CARD10: variants seen among roughly 807,000 people sequenced by gnomAD.
CARD10 encodes caspase recruitment domain family member 10.
In CARD10, 49 loss-of-function variants were observed where a neutral mutation model predicts 114.6. The ratio of observed to expected loss-of-function variants is 0.43; its 90% CI spans 0.34 to 0.54. The LOEUF is 0.54. Among genes scored for constraint, CARD10 ranks in the 20% least tolerant of loss-of-function variants. The pLI is 0.03. For synonymous variants in CARD10, 602 were observed against 593.2 expected, an observed-to-expected ratio of 1.01 and a Z score of -0.21; for missense variants, 1,206 against 1,397.2, an observed-to-expected ratio of 0.86 and a Z score of 2.18.
chr22:37,491,747 CA>C lies in CARD10; in HGVS notation c.2864+7del. The C allele has an allele frequency of 1.7e-6, 2 of 1,144,936 alleles. No homozygotes were observed. The highest frequency in any genetic ancestry group is 1.2e-5 in the South Asian group (1 of 81,966). The allele number at this position is 1,144,936 out of a possible 1,614,324, so 70.9% of individuals were successfully genotyped here. On this transcript the variant is annotated splice_region_variant and intron_variant, in intron 19 of 19. Transcript: ENST00000251973. ...TGCCCTGCCCACTGCCCCACCCACCCACCTCACCTGACTTCCCGGACATTCT... is the reference window on the plus strand; with the variant it reads ...TGCCCTGCCCACTGCCCCACCCACCCCCTCACCTGACTTCCCGGACATTCT...
intron 3 of CARD10, among the ~76,000 whole-genome samples, chr22:37,512,928 T>A (rs1923712239): frequency 2.0e-5 from 3 of 152,126 alleles, no homozygotes; most frequent in Admixed American, 2.0e-4. Flanking sequence ...AACAGGGTAT[T>A]AAATCCCAGC....
intron 3 of CARD10, among the ~76,000 whole-genome samples, chr22:37,512,922 G>C (rs73416258): frequency 0.028 from 4,219 of 152,202 alleles, 177 homozygotes; most frequent in African/African-American, 0.097. Flanking sequence ...TTATAAAACA[G>C]GGTATTAAAT....
In CARD10 at chr22:37,519,188, C is replaced by T. The variant is rs1477972138; in HGVS notation, c.13G>A (p.Ala5Thr). The T allele has an allele frequency of 2.6e-6, 4 of 1,530,722 alleles. No homozygotes were observed. Among genetic ancestry groups the T allele is most frequent in the Non-Finnish European group, 3.5e-6 (4 of 1,144,302 alleles). 94.8% of individuals were successfully genotyped at this position (1,530,722 alleles called of 1,614,324 possible). ...TCCTCCTCGGCCTCCCCCGCCTCCGCCCGGCCCGGCATGGCCGTGTCCTCA... is the reference window on the plus strand; with the variant it reads ...TCCTCCTCGGCCTCCCCCGCCTCCGTCCGGCCCGGCATGGCCGTGTCCTCA... The part of the protein sequence containing the change: MPGR[A>T]EAGEAEEEAG... Residue 5 changes from alanine (A) to threonine (T), a missense_variant, in exon 1 of 20, where the codon GCG becomes ACG. By Grantham distance (58) the Ala-to-Thr change is moderately conservative. Around this residue, in one of 2 missense-constraint regions of CARD10, gnomAD observed 138 missense variants for 218.0 expected, o/e 0.63. Transcript: ENST00000251973. The surrounding 1 kb of genome is among the most constrained non-coding windows in gnomAD (Gnocchi z 4.1).
At position 37,518,870 on chromosome 22, in the gene CARD10, G is replaced by A. The variant is rs1009040427; in HGVS notation, c.235+96C>T. 5 of 1,379,916 alleles carry A rather than the reference G, an allele frequency of 3.6e-6. No homozygotes were observed. The African/African-American group carries it at 7.5e-5, about 21-fold the overall frequency. The allele number at this position is 1,379,916 out of a possible 1,614,324, so 85.5% of individuals were successfully genotyped here. On this transcript the variant is annotated intron_variant, in intron 1 of 19. Transcript: ENST00000251973. ...ACTGATGCGGAGACCGAGCCCCAGG[G>A]CAGCAGAGCCCTAGCTTCGCGCTAC... is the stretch of plus-strand genomic sequence containing the variant.
chr22:37,518,282 G>A (rs1217209127), intron 1 of CARD10, among the ~76,000 whole-genome samples, 174 bp from the exon 2 acceptor site: 1 of 152,152 alleles, frequency 6.6e-6, no homozygotes, highest in East Asian at 1.9e-4. Context: ...TTCTGCCACA[G>A]CCAGGGGAGC....
intron 2 of CARD10, among the ~76,000 whole-genome samples, chr22:37,516,662 A>T (rs889073866): frequency 6.6e-6 from 1 of 152,242 alleles, no homozygotes; most frequent in East Asian, 1.9e-4. Flanking sequence ...AACTATCAAT[A>T]GGCAAGTCCC....
At chr22:37,497,291 C>G in intron 11 of CARD10, 113 bp from the exon 12 acceptor site, 1 of 1,057,130 alleles carries the variant, frequency 9.5e-7, no homozygotes, top group South Asian at 1.6e-5. Flanking sequence ...TGACTCCCAC[C>G]CCCAGGCCTC....
At chr22:37,514,774 A>C (rs1046098612) in intron 3 of CARD10, 40 of 152,308 alleles carry the variant, frequency 2.6e-4, no homozygotes, top group African/African-American at 8.7e-4. Context: ...GGCTGGAGAG[A>C]GCCTCCTGCG....
chr22:37,518,222 T>A, intron 1 of CARD10, 114 bp from the exon 2 acceptor site: 1 of 1,014,814 alleles, frequency 9.9e-7, no homozygotes, highest in Non-Finnish European at 1.5e-6. Context: ...TTTGAGCCAG[T>A]GACACACACA....
In CARD10 at chr22:37,494,149, G is replaced by A. The variant is rs1922907025; in HGVS notation, c.2413C>T (p.Pro805Ser). Residue 805 changes from proline to serine, a missense_variant, in exon 16 of 20, where the codon CCC becomes TCC. Coordinates refer to ENST00000251973, the MANE Select transcript of CARD10 (RefSeq NM_014550.4). ...RALDQLRLVRPKPVGAPAGDS... is the reference protein window; with the variant it reads ...RALDQLRLVRSKPVGAPAGDS... ...CCTGCAGGCGCCCCCACGGGCTTGG[G>A]CCTCACCAGCCGCAGCTGGTCCAGG... 6.4e-7 allele frequency: 1 copy of A among 1,557,456 alleles called. No homozygotes were observed. Among genetic ancestry groups the A allele is most frequent in the Non-Finnish European group, 8.7e-7 (1 of 1,150,944 alleles).
chr22:37,494,096 C>A lies in CARD10; in HGVS notation c.2466G>T (p.Glu822Asp). The change falls in exon 16 of 20, where the codon GAG becomes GAT. Residue 822 changes from glutamate to aspartate, a missense_variant. By Grantham distance (45) the Glu-to-Asp change is conservative. Transcript: ENST00000251973. Reference protein sequence around the residue: ...AGDSPDQLLLEPCAEPERSLR... With the variant: ...AGDSPDQLLLDPCAEPERSLR... ...CCCCCGCGCACTCACCTGCACAGGGCTCCAGCAGCAGCTGATCCGGGGAGT... is the reference window on the plus strand; with the variant it reads ...CCCCCGCGCACTCACCTGCACAGGGATCCAGCAGCAGCTGATCCGGGGAGT... 1 of 1,555,438 alleles carries A rather than the reference C, an allele frequency of 6.4e-7. No individual in the cohort carries two copies. The highest frequency in any genetic ancestry group is 1.4e-5 in the African/African-American group (1 of 73,402).
At chr22:37,505,262 A>C (rs1432724240) in intron 7 of CARD10, among the ~76,000 whole-genome samples, 1 of 152,072 alleles carries the variant, frequency 6.6e-6, no homozygotes, top group Non-Finnish European at 1.5e-5. Context: ...ACAGCAAAAA[A>C]GCCACTGGGG....
intron 10 of CARD10, among the ~76,000 whole-genome samples, 193 bp downstream of exon 10, chr22:37,502,992 G>A (rs1217915281): frequency 1.3e-5 from 2 of 152,248 alleles, no homozygotes. Flanking sequence ...GACTGGGCTC[G>A]GGGTGAGAGG....
In CARD10 at chr22:37,502,730, G is replaced by A; in HGVS notation, c.1664-5C>T. ...AGGGCTTAAGTGTCACACTCCCTGG[G>A]GAAAAAGAATGAGGTTCAGGGATCT... On this transcript the variant is annotated splice_polypyrimidine_tract_variant and splice_region_variant and intron_variant, in intron 10 of 19. Coordinates refer to ENST00000251973, the MANE Select transcript of CARD10 (RefSeq NM_014550.4). 6.2e-7 allele frequency: 1 copy of A among 1,612,226 alleles called. No homozygotes were observed. Among genetic ancestry groups the A allele is most frequent in the Non-Finnish European group, 8.5e-7 (1 of 1,179,274 alleles).
rs868214058 is a variant in CARD10 at position 37,491,171 on chromosome 22, G to A, written c.3087C>T (p.Ser1029=). ...ECGSSRGCPS[S]SEA ...TATCAGATGAGCCTCAGGCCTCACT[G>A]CTGCTGGGGCAGCCTCTGCTGCTGC... is the stretch of plus-strand genomic sequence containing the variant. Residue 1029 remains serine (S), a synonymous_variant, in exon 20 of 20, where the codon AGC becomes AGT. Transcript: ENST00000251973. 3.2e-6 allele frequency: 5 copies of A among 1,561,574 alleles called. No homozygotes were observed. The highest frequency in any genetic ancestry group is 1.7e-4 in the Middle Eastern group (1 of 6,000).
chr22:37,508,070 A>C, intron 5 of CARD10, 116 bp from the exon 6 acceptor site: 1 of 1,257,506 alleles, frequency 8.0e-7, no homozygotes, highest in Non-Finnish European at 1.1e-6. Context: ...AGACCCAATA[A>C]CAAGTCCCCT....
chr22:37,491,291 C>T lies in CARD10; in HGVS notation c.2967G>A (p.Val989=). The T allele has an allele frequency of 6.4e-7, 1 of 1,568,460 alleles. No individual in the cohort carries two copies. Among genetic ancestry groups the T allele is most frequent in the Non-Finnish European group, 8.6e-7 (1 of 1,163,166 alleles). The part of the protein sequence containing the change: ...LWGLPCSWVQ[V]PAHEWGHAEE... ...CTGCGTGTCCCCACTCATGGGCGGG[C>T]ACCTGCACCCAGGAGCAGGGCAGCC... Residue 989 remains valine (V), a synonymous_variant, in exon 20 of 20, where the codon GTG becomes GTA. Coordinates refer to ENST00000251973, the MANE Select transcript of CARD10 (RefSeq NM_014550.4).
chr22:37,512,465 C>CACACACACACA (rs1923690678), intron 3 of CARD10, among the ~76,000 whole-genome samples: 1 of 113,774 alleles, frequency 8.8e-6, no homozygotes, highest in South Asian at 3.3e-4. Flanking sequence ...AGCCCCCCCT[C>CACACACACACA]CACACACACA....
intron 4 of CARD10, chr22:37,509,046 C>T (rs1034764974): frequency 1.3e-6 from 2 of 1,549,890 alleles, no homozygotes; most frequent in Admixed American, 2.0e-5. Context: ...CCAAGACCTA[C>T]TCCCACCCCC....
Sources: allele counts gnomAD v4.1 joint callset (sites outside exome capture counted in the v4.1 genomes callset), GRCh38; gene constraint gnomAD v4.1.1; regional missense constraint gnomAD v4.1.1; non-coding constraint Gnocchi (gnomAD v3.1); transcripts MANE v1.5; gene names NCBI Gene and HGNC (gene_info 2026-07-23, HGNC 2026-07-21).